ATRX: variants seen among roughly 807,000 people sequenced by gnomAD.
The protein encoded by ATRX is ATRX chromatin remodeler, also known as chromatin remodeler ATRX.
Under a neutral mutation model 172.6 loss-of-function variants are expected in ATRX, and 12 were observed. The ratio of observed to expected loss-of-function variants is 0.07; its 90% CI spans 0.04 to 0.11. The LOEUF is 0.11. ATRX is among the 10% of genes least tolerant of loss of function. The pLI, the probability that ATRX is intolerant of heterozygous loss-of-function variation, is 1.00. For synonymous variants in ATRX, 674 were observed against 594.7 expected (o/e 1.13, Z -1.94); for missense variants, 1,368 against 1,767.4 (o/e 0.77, Z 4.05).
At chrX:77,554,763 T>C (rs1028537429) in intron 30 of ATRX, among the ~76,000 whole-genome samples, 5 of 111,945 alleles carry the variant, frequency 4.5e-5, no homozygotes, top group Admixed American at 2.9e-4. Context: ...TAAGCAAAGA[T>C]ACTCAGCACC....
chrX:77,753,554 A>C (rs1339311964), intron 1 of ATRX, among the ~76,000 whole-genome samples: 2 of 111,006 alleles, frequency 1.8e-5, no homozygotes, highest in African/African-American at 6.6e-5. Context: ...TTGTGATATC[A>C]GGGTGTTCAT....
chrX:77,506,674 A>G lies in ATRX; in HGVS notation c.*1677T>C, dbSNP rs1289652001. ...CATAATATCTAAATATACAGGATTT[A>G]TTAGTGATATTTCATCATGGGAAAG... On this transcript the variant is annotated 3_prime_UTR_variant, in exon 35 of 35. Coordinates refer to ENST00000373344, the MANE Select transcript of ATRX (RefSeq NM_000489.6). 9 of 173,300 alleles carry G rather than the reference A, an allele frequency of 5.2e-5. No individual in the cohort carries two copies. The highest frequency in any genetic ancestry group is 2.7e-4 in the African/African-American group (9 of 33,707). 14.3% of individuals were successfully genotyped at this position (173,300 alleles called of 1,213,427 possible). A position where few individuals can be genotyped will look rare whatever the true frequency, so the allele number is the denominator to read the frequency against.
At position 77,683,171 on chromosome X, in the gene ATRX, C is replaced by G. The variant is rs2148607292; in HGVS notation, c.2085G>C (p.Val695=). ...VKEKQKLSVP[V]RKKDKRNSSD... ...AAGAATTACGCTTATCCTTTTTTCT[C>G]ACTGGAACTGATAGTTTTTGTTTCT... The change falls in exon 9 of 35, where the codon GTG becomes GTC. Residue 695 remains valine (V), a synonymous_variant. Transcript: ENST00000373344. The G allele has an allele frequency of 8.3e-7, 1 of 1,209,081 alleles. No individual in the cohort carries two copies. Among genetic ancestry groups the G allele is most frequent in the Non-Finnish European group, 1.1e-6 (1 of 893,358 alleles).
chrX:77,561,345 CAT>C (rs2065013084), intron 28 of ATRX, among the ~76,000 whole-genome samples: 1 of 110,811 alleles, frequency 9.0e-6, no homozygotes, highest in Non-Finnish European at 1.9e-5. Flanking sequence ...ACACAACACA[CAT>C]GAAACCTTAA....
rs1603025431 is a variant in ATRX at position 77,640,909 on chromosome X, C to T, written c.4558-4853G>A. Among the ~76,000 whole-genome samples, 3 of 111,339 alleles carry T rather than the reference C, an allele frequency of 2.7e-5. 1 individual carries two copies. The Admixed American group carries it at 2.9e-4, about 11-fold the overall frequency. Reference sequence around the variant, plus strand: ...AGGAGTGAAACTTTGTGAGGCCAGGCAGAGCATGACCAAGAAGCTGTGAGC... The same window carrying T: ...AGGAGTGAAACTTTGTGAGGCCAGGTAGAGCATGACCAAGAAGCTGTGAGC... On this transcript the variant is annotated intron_variant, in intron 15 of 34. Transcript: ENST00000373344.
At position 77,786,159 on chromosome X, in the gene ATRX, C is replaced by T. The variant is rs2076740297; in HGVS notation, c.-158G>A. ...TCAAAGGCCGCTACCACTGCCACCG[C>T]CGCAGGAGCCGCGGAAACAAAGCGA... On this transcript the variant is annotated 5_prime_UTR_variant, in exon 1 of 35. Transcript: ENST00000373344. 8 of 591,547 alleles carry T rather than the reference C, an allele frequency of 1.4e-5. No homozygotes were observed. The highest frequency in any genetic ancestry group is 9.7e-5 in the South Asian group (3 of 31,032). The allele number at this position is 591,547 out of a possible 1,213,427, so 48.8% of individuals were successfully genotyped here.
chrX:77,688,039 G>A (rs1329192810), intron 7 of ATRX, among the ~76,000 whole-genome samples: 1 of 111,193 alleles, frequency 9.0e-6, no homozygotes, highest in Non-Finnish European at 1.9e-5. Context: ...CCGGGTTCAA[G>A]CGATTCTCCT....
chrX:77,766,271 C>T (rs1557195530), intron 1 of ATRX, among the ~76,000 whole-genome samples: 1 of 111,687 alleles, frequency 9.0e-6, no homozygotes, highest in African/African-American at 3.2e-5. Flanking sequence ...GGCGGCCGGG[C>T]AGAGGCGCCC....
intron 1 of ATRX, among the ~76,000 whole-genome samples, chrX:77,723,375 T>C (rs1557170391): frequency 9.0e-6 from 1 of 111,673 alleles, no homozygotes; most frequent in African/African-American, 3.3e-5. Flanking sequence ...TAGTAAGTGT[T>C]CCTCTGCACA....
chrX:77,778,720 C>CAAA (rs782545336), intron 1 of ATRX, among the ~76,000 whole-genome samples: 2 of 49,516 alleles, frequency 4.0e-5, no homozygotes, highest in African/African-American at 1.5e-4. Context: ...GACTACGTCT[C>CAAA]AAAAAAAAAA....
chrX:77,698,544 T>C, intron 3 of ATRX, 30 bp downstream of exon 3: 2 of 1,181,123 alleles, frequency 1.7e-6, no homozygotes, highest in Non-Finnish European at 2.3e-6. Flanking sequence ...TAATCGTAAC[T>C]AACAAATATC....
chrX:77,764,993 T>C lies in ATRX; in HGVS notation c.20+20989A>G, dbSNP rs948180986. Among the ~76,000 whole-genome samples, 5 of 110,946 alleles carry C rather than the reference T, an allele frequency of 4.5e-5. No individual in the cohort carries two copies. The Admixed American group carries it at 4.8e-4, about 11-fold the overall frequency. ...GAGTTCAAGACCAGCCTCGCCGACATGGTGAAACCCTGCCTCTACAAAAAT... is the reference window on the plus strand; with the variant it reads ...GAGTTCAAGACCAGCCTCGCCGACACGGTGAAACCCTGCCTCTACAAAAAT... On this transcript the variant is annotated intron_variant, in intron 1 of 34. Transcript: ENST00000373344.
chrX:77,607,875 A>G (rs2066983436), intron 22 of ATRX, among the ~76,000 whole-genome samples: 1 of 110,801 alleles, frequency 9.0e-6, no homozygotes, highest in Non-Finnish European at 1.9e-5. Context: ...AGCAATCTTC[A>G]TATTGAAAGC....
At chrX:77,578,552 T>C (rs1343087362) in intron 27 of ATRX, among the ~76,000 whole-genome samples, 1 of 112,023 alleles carries the variant, frequency 8.9e-6, no homozygotes, top group Non-Finnish European at 1.9e-5. Context: ...AGGCAACCCA[T>C]TGCCTTGAAT....
intron 2 of ATRX, among the ~76,000 whole-genome samples, chrX:77,708,377 T>C (rs1379188145): frequency 4.5e-5 from 5 of 112,148 alleles, no homozygotes; most frequent in African/African-American, 1.3e-4. Flanking sequence ...AATAGGGAAA[T>C]AGGCCAGGCG....
At chrX:77,632,770 T>C (rs1050084632) in intron 19 of ATRX, among the ~76,000 whole-genome samples, 2 of 112,086 alleles carry the variant, frequency 1.8e-5, no homozygotes, top group East Asian at 2.8e-4. Context: ...ATCAACAGTA[T>C]TGAAAATATT....
chrX:77,636,979 GGAA>G (rs869124955), intron 15 of ATRX, among the ~76,000 whole-genome samples: 6 of 98,602 alleles, frequency 6.1e-5, no homozygotes, highest in South Asian at 4.8e-4. Context: ...AAAAGAAGAA[GGAA>G]GAAGAAGGAA....
chrX:77,710,755 AT>A (rs1455986242), intron 2 of ATRX, among the ~76,000 whole-genome samples: 1 of 111,671 alleles, frequency 9.0e-6, no homozygotes, highest in African/African-American at 3.3e-5. Context: ...AATTTTCAAA[AT>A]GGAAGACAGA....
intron 2 of ATRX, among the ~76,000 whole-genome samples, chrX:77,707,761 G>C (rs1557157849): frequency 1.8e-5 from 2 of 111,333 alleles, no homozygotes; most frequent in African/African-American, 6.5e-5. Flanking sequence ...AAAAAGACTG[G>C]ACAGAGGGTT....
Sources: allele counts gnomAD v4.1 joint callset (sites outside exome capture counted in the v4.1 genomes callset), GRCh38; gene constraint gnomAD v4.1.1; transcripts MANE v1.5; gene names NCBI Gene and HGNC (gene_info 2026-07-23, HGNC 2026-07-21).